The following ASCC3 variants were observed in gnomAD, a reference collection of about 807,000 sequenced individuals.
The protein encoded by ASCC3 is activating signal cointegrator 1 complex subunit 3.
ASCC3 carries 158 observed loss-of-function variants against 256.3 expected under a neutral mutation model. The ratio of observed to expected loss-of-function variants is 0.62; its 90% CI spans 0.54 to 0.70. The LOEUF (loss-of-function observed/expected upper bound fraction) is 0.70, where lower values mean the gene tolerates loss of function less well. ASCC3 is among the 30% of genes least tolerant of loss of function. ASCC3 has a pLI of 0.00. For missense variants in ASCC3, 2,259 were observed against 2,626.0 expected (o/e 0.86, Z 3.05); for synonymous variants, 948 against 883.4 (o/e 1.07, Z -1.30).
intron 16 of ASCC3, among the ~76,000 whole-genome samples, chr6:100,656,238 T>C (rs1248435044): frequency 6.6e-6 from 1 of 151,726 alleles, no homozygotes; most frequent in African/African-American, 2.4e-5. Context: ...GTTAATTCTA[T>C]TCATTTTTAT....
intron 13 of ASCC3, among the ~76,000 whole-genome samples, chr6:100,687,124 A>G (rs549885714): frequency 1.1e-3 from 160 of 151,682 alleles, no homozygotes; most frequent in Non-Finnish European, 1.5e-3. Context: ...TAAGTGAAAA[A>G]ATATCAATTG....
At chr6:100,703,663 T>A (rs1250986418) in intron 13 of ASCC3, among the ~76,000 whole-genome samples, 1 of 151,976 alleles carries the variant, frequency 6.6e-6, no homozygotes. Flanking sequence ...CCTTCTATGA[T>A]GGTGATATTT....
chr6:100,875,144 C>T, intron 1 of ASCC3, among the ~76,000 whole-genome samples: 1 of 145,672 alleles, frequency 6.9e-6, no homozygotes, highest in East Asian at 2.0e-4. Context: ...TTTCAATAAA[C>T]CAACTGAAAG....
At chr6:100,595,284 G>A (rs948227126) in intron 34 of ASCC3, among the ~76,000 whole-genome samples, 3 of 135,700 alleles carry the variant, frequency 2.2e-5, no homozygotes, top group African/African-American at 5.0e-5. Context: ...CAATGTACAC[G>A]TTTTGAAACA....
At chr6:100,755,983 A>C (rs1188379518) in intron 10 of ASCC3, among the ~76,000 whole-genome samples, 1 of 152,054 alleles carries the variant, frequency 6.6e-6, no homozygotes, top group Non-Finnish European at 1.5e-5. Flanking sequence ...ATATCAAAAA[A>C]TATATATTTA....
At chr6:100,612,950 A>C (rs1003305253) in intron 30 of ASCC3, among the ~76,000 whole-genome samples, 2 of 152,016 alleles carry the variant, frequency 1.3e-5, no homozygotes, top group African/African-American at 4.8e-5. Flanking sequence ...TATAAATTAA[A>C]TGTACAAATG....
At position 100,679,172 on chromosome 6, in the gene ASCC3, G is replaced by A. The variant is rs186858223; in HGVS notation, c.2286+446C>T. Among the ~76,000 whole-genome samples, 85 of 148,304 alleles carry A rather than the reference G, an allele frequency of 5.7e-4. No homozygotes were observed. In the East Asian group the frequency reaches 0.017, roughly 29 times the overall value. ...GCATGTGTACACTGAGTAACAAGCT[G>A]TTGACAAACTTTTTGGCTCAGAATT... is the stretch of plus-strand genomic sequence containing the variant. On this transcript the variant is annotated intron_variant, in intron 14 of 41. Transcript: ENST00000369162.
intron 36 of ASCC3, among the ~76,000 whole-genome samples, chr6:100,553,005 T>G (rs1048522384): frequency 3.3e-5 from 5 of 152,052 alleles, no homozygotes; most frequent in Admixed American, 1.3e-4. Flanking sequence ...GGCTCTCCTG[T>G]GAATACCATG....
At position 100,655,795 on chromosome 6, in the gene ASCC3, A is replaced by G. The variant is rs1775887974; in HGVS notation, c.2727T>C (p.Asn909=). The part of the protein sequence containing the change: ...NAEIALGTVT[N]VEEAVKWISY... ...TTATCCACTTCACTGCTTCTTCCAC[A>G]TTAGTAACTGTTCCCAGAGCAATCT... Residue 909 remains asparagine (N), a synonymous_variant, in exon 17 of 42, where the codon AAT becomes AAC. Transcript: ENST00000369162. 5.0e-6 allele frequency: 8 copies of G among 1,611,604 alleles called. No individual in the cohort carries two copies. The African/African-American group carries it at 5.3e-5, about 11-fold the overall frequency.
chr6:100,542,188 C>T (rs548439561), intron 36 of ASCC3, among the ~76,000 whole-genome samples: 1 of 152,070 alleles, frequency 6.6e-6, no homozygotes, highest in Non-Finnish European at 1.5e-5. Flanking sequence ...AAACCTCAAC[C>T]AAAGAAAAAT....
At chr6:100,563,720 G>T (rs1770075410) in intron 36 of ASCC3, among the ~76,000 whole-genome samples, 1 of 151,956 alleles carries the variant, frequency 6.6e-6, no homozygotes, top group East Asian at 1.9e-4. Context: ...TTCATCTAAG[G>T]TTTTTTTATT....
At chr6:100,841,967 C>T (rs1428021913) in intron 4 of ASCC3, among the ~76,000 whole-genome samples, 2 of 152,168 alleles carry the variant, frequency 1.3e-5, no homozygotes, top group African/African-American at 4.8e-5. Context: ...AAATACCACA[C>T]TGGATGGAGA....
At chr6:100,753,538 G>A (rs1781042389) in intron 10 of ASCC3, among the ~76,000 whole-genome samples, 1 of 148,896 alleles carries the variant, frequency 6.7e-6, no homozygotes, top group Non-Finnish European at 1.5e-5. Flanking sequence ...CTATTAATAT[G>A]TTGCCTAAGC....
At chr6:100,802,084 A>C (rs890207786) in intron 5 of ASCC3, among the ~76,000 whole-genome samples, 9 of 151,634 alleles carry the variant, frequency 5.9e-5, no homozygotes, top group Non-Finnish European at 1.0e-4. Flanking sequence ...TACCTCATAG[A>C]AAGCTTAAAA....
rs116741240 is a variant in ASCC3, at chr6:100,671,735, C to T, written c.2286+7883G>A. Among the ~76,000 whole-genome samples, 330 of 152,094 alleles carry T rather than the reference C, an allele frequency of 2.2e-3. 4 individuals are homozygous for T. Among genetic ancestry groups the T allele is most frequent in the African/African-American group, 7.8e-3 (324 of 41,542 alleles). On this transcript the variant is annotated intron_variant, in intron 14 of 41. Coordinates refer to ENST00000369162, the MANE Select transcript of ASCC3 (RefSeq NM_006828.4). Reference sequence around the variant, plus strand: ...AACTTCTTTCCACGACTTTACATAACGTTTTCCTACTCATGAGAGAAAAAA... The same window carrying T: ...AACTTCTTTCCACGACTTTACATAATGTTTTCCTACTCATGAGAGAAAAAA...
chr6:100,725,449 G>A, intron 11 of ASCC3, 90 bp downstream of exon 11: 1 of 1,341,550 alleles, frequency 7.5e-7, no homozygotes, highest in Non-Finnish European at 1.1e-6. Flanking sequence ...ATTTAGCTTT[G>A]TAACACAGGT....
chr6:100,876,321 C>G (rs1774002644), intron 1 of ASCC3, among the ~76,000 whole-genome samples: 1 of 152,092 alleles, frequency 6.6e-6, no homozygotes, highest in South Asian at 2.1e-4. Context: ...TTTTCTAACA[C>G]AGAGGCAAAA....
chr6:100,866,123 C>A (rs1213462186), intron 2 of ASCC3, among the ~76,000 whole-genome samples: 1 of 152,134 alleles, frequency 6.6e-6, no homozygotes, highest in East Asian at 1.9e-4. Context: ...GCGCCCACCA[C>A]CATGCGTGGC....
intron 32 of ASCC3, among the ~76,000 whole-genome samples, chr6:100,605,915 A>G (rs1383651037): frequency 6.6e-6 from 1 of 152,148 alleles, no homozygotes; most frequent in Non-Finnish European, 1.5e-5. Flanking sequence ...AACTATGATG[A>G]AAAACTGAGT....
Sources: gnomAD v4.1 joint callset for allele counts (sites outside exome capture counted in the v4.1 genomes callset) on GRCh38, gnomAD v4.1.1 for gene constraint, MANE v1.5 for transcripts, NCBI Gene and HGNC (gene_info 2026-07-23, HGNC 2026-07-21) for gene names.